Variants in CHST11 observed in about 807,000 individuals in gnomAD.
The protein encoded by CHST11 is carbohydrate sulfotransferase 11.
CHST11 carries 9 observed loss-of-function variants against 30.4 expected under a neutral mutation model. The observed-to-expected ratio is 0.30, with a 90% confidence interval of 0.18 to 0.52. The LOEUF is 0.52. Among genes scored for constraint, CHST11 ranks in the 20% least tolerant of loss-of-function variants. The probability of loss-of-function intolerance (pLI) is 0.97; values close to 1 mark genes in which losing one functional copy is unlikely to be tolerated. For synonymous variants in CHST11, 152 were observed against 187.8 expected (o/e 0.81, Z 1.56); for missense variants, 348 against 460.6 (o/e 0.76, Z 2.24).
chr12:104,566,005 CCCCT>C (rs1303897838), intron 1 of CHST11, among the ~76,000 whole-genome samples: 1 of 152,168 alleles, frequency 6.6e-6, no homozygotes, highest in Non-Finnish European at 1.5e-5. Context: ...CTTTGTGCTT[CCCCT>C]TTTGCCTCCA....
At chr12:104,544,138 A>AAAAAGAAAGAAAGAAAGAAAG (rs1555231335) in intron 1 of CHST11, among the ~76,000 whole-genome samples, 8 of 71,720 alleles carry the variant, frequency 1.1e-4, no homozygotes, top group African/African-American at 1.5e-4. Context: ...AAAAAAAAAA[A>AAAAAGAAAGAAAGAAAGAAAG]AAAGAAAGAA....
At chr12:104,643,564 T>C (rs2039398068) in intron 2 of CHST11, among the ~76,000 whole-genome samples, 1 of 152,204 alleles carries the variant, frequency 6.6e-6, no homozygotes, top group Non-Finnish European at 1.5e-5. Context: ...CAATATGCTC[T>C]TTTCAAGAAC....
intron 1 of CHST11, among the ~76,000 whole-genome samples, chr12:104,591,873 G>A (rs1020036954): frequency 6.6e-6 from 1 of 151,858 alleles, no homozygotes; most frequent in Non-Finnish European, 1.5e-5. Context: ...AATAAAACTT[G>A]TCTCGGTTTT....
rs535710043 is a variant in CHST11 at position 104,527,009 on chromosome 12, C to T, written c.118+69480C>T. Among the ~76,000 whole-genome samples the T allele has an allele frequency of 1.6e-4, 24 of 152,314 alleles. No individual in the cohort carries two copies. In the East Asian group the frequency reaches 3.5e-3, roughly 22 times the overall value. ...AAATTCCATTCTCCTCAGCACCACA[C>T]GGCACTCTTTCTAAAATGGCTCTCC... is the stretch of plus-strand genomic sequence containing the variant. On this transcript the variant is annotated intron_variant, in intron 1 of 2. Coordinates refer to ENST00000303694, the MANE Select transcript of CHST11 (RefSeq NM_018413.6).
At chr12:104,732,975 A>T (rs565912735) in intron 2 of CHST11, among the ~76,000 whole-genome samples, 5 of 152,396 alleles carry the variant, frequency 3.3e-5, no homozygotes, top group Admixed American at 1.3e-4. Context: ...TGAACTTGAC[A>T]TGCATCGTCT....
chr12:104,514,897 C>T (rs1049638610), intron 1 of CHST11, among the ~76,000 whole-genome samples: 2 of 152,100 alleles, frequency 1.3e-5, no homozygotes, highest in African/African-American at 4.8e-5. Flanking sequence ...TCACTTTGTG[C>T]CTCAGTTTCC....
chr12:104,514,529 TA>T (rs926345544), intron 1 of CHST11: 35 of 538,238 alleles, frequency 6.5e-5, no homozygotes, highest in East Asian at 1.3e-4. Context: ...AACATTTCTC[TA>T]AAAAAAAGAA....
intron 1 of CHST11, among the ~76,000 whole-genome samples, chr12:104,576,661 G>T (rs1273512704): frequency 6.6e-6 from 1 of 152,168 alleles, no homozygotes; most frequent in Non-Finnish European, 1.5e-5. Flanking sequence ...CCAGGAGAAG[G>T]CTGCATTTGG....
At chr12:104,524,688 A>G (rs1347729879) in intron 1 of CHST11, among the ~76,000 whole-genome samples, 1 of 151,982 alleles carries the variant, frequency 6.6e-6, no homozygotes, top group Non-Finnish European at 1.5e-5. Context: ...CCATCCATCC[A>G]TCCTCCATTT....
chr12:104,736,352 T>TGGGGAGGGCCATTTTGTAGAG (rs2040301067), intron 2 of CHST11, among the ~76,000 whole-genome samples: 1 of 151,934 alleles, frequency 6.6e-6, no homozygotes, highest in Non-Finnish European at 1.5e-5. Context: ...GAAGGAAGGT[T>TGGGGAGGGCCATTTTGTAGAG]GGGGAGGGCC....
At position 104,530,050 on chromosome 12, in the gene CHST11, T is replaced by C. The variant is rs932286773; in HGVS notation, c.119-71856T>C. Among the ~76,000 whole-genome samples, 7 of 152,070 alleles carry C rather than the reference T, an allele frequency of 4.6e-5. No homozygotes were observed. The East Asian group carries it at 5.8e-4, about 13-fold the overall frequency. ...GGCACAAGCCTGTAATCCCAGCCAATTGGGAGGCTGAGGCACAAGAATCTC... is the reference window on the plus strand; with the variant it reads ...GGCACAAGCCTGTAATCCCAGCCAACTGGGAGGCTGAGGCACAAGAATCTC... On this transcript the variant is annotated intron_variant, in intron 1 of 2. Coordinates refer to ENST00000303694, the MANE Select transcript of CHST11 (RefSeq NM_018413.6).
intron 1 of CHST11, among the ~76,000 whole-genome samples, chr12:104,542,650 G>A (rs1319236853): frequency 6.6e-6 from 1 of 152,248 alleles, no homozygotes; most frequent in Non-Finnish European, 1.5e-5. Flanking sequence ...CACATAGTGT[G>A]TGTTTTAGAA....
chr12:104,472,909 C>G (rs1009034622), intron 1 of CHST11, among the ~76,000 whole-genome samples: 3 of 152,130 alleles, frequency 2.0e-5, no homozygotes, highest in Non-Finnish European at 4.4e-5. Flanking sequence ...AGAGGAAAGA[C>G]ATTCCAGGTG....
At chr12:104,520,744 C>G (rs540838624) in intron 1 of CHST11, among the ~76,000 whole-genome samples, 4 of 152,192 alleles carry the variant, frequency 2.6e-5, no homozygotes, top group African/African-American at 9.6e-5. Context: ...AGCATGGGAG[C>G]GGGGATGGCA....
chr12:104,513,059 G>A (rs2037981526), intron 1 of CHST11, among the ~76,000 whole-genome samples: 1 of 148,192 alleles, frequency 6.7e-6, no homozygotes, highest in Non-Finnish European at 1.5e-5. Flanking sequence ...TAGGTATGCA[G>A]GTCTTGAGGG....
intron 2 of CHST11, among the ~76,000 whole-genome samples, chr12:104,685,789 A>G (rs2039840984): frequency 6.6e-6 from 1 of 152,186 alleles, no homozygotes; most frequent in Non-Finnish European, 1.5e-5. Flanking sequence ...AGCTCCTGGC[A>G]CTGCTGGTGC....
intron 1 of CHST11, among the ~76,000 whole-genome samples, chr12:104,533,371 C>T (rs1479931379): frequency 6.6e-6 from 1 of 152,134 alleles, no homozygotes; most frequent in Non-Finnish European, 1.5e-5. Context: ...TGTACTTGGC[C>T]ATGCTTTATC....
At chr12:104,695,730 C>T (rs537101292) in intron 2 of CHST11, among the ~76,000 whole-genome samples, 7 of 152,168 alleles carry the variant, frequency 4.6e-5, no homozygotes, top group East Asian at 1.9e-4. Flanking sequence ...GAAATGGGGG[C>T]GGGGGAAATC....
chr12:104,531,281 G>A (rs1299921410), intron 1 of CHST11, among the ~76,000 whole-genome samples: 11 of 152,072 alleles, frequency 7.2e-5, no homozygotes, highest in Non-Finnish European at 1.6e-4. Flanking sequence ...GTGAGGCCAG[G>A]AGTTTGAGAC....
Sources: allele counts gnomAD v4.1 joint callset (sites outside exome capture counted in the v4.1 genomes callset), GRCh38; gene constraint gnomAD v4.1.1; transcripts MANE v1.5; gene names NCBI Gene and HGNC (gene_info 2026-07-23, HGNC 2026-07-21).